RB1: variants seen among roughly 807,000 people sequenced by gnomAD.
The protein encoded by RB1 is RB transcriptional corepressor 1.
A neutral mutation model predicts 135.4 loss-of-function variants in RB1; 18 were observed. That is an observed-to-expected ratio of 0.13 (90% CI 0.09 to 0.20). The LOEUF (loss-of-function observed/expected upper bound fraction) is 0.20, where lower values mean the gene tolerates loss of function less well. Ranked by LOEUF, RB1 falls within the 10% of genes least tolerant of loss-of-function variation. The probability of loss-of-function intolerance (pLI) is 1.00; values close to 1 mark genes in which losing one functional copy is unlikely to be tolerated. For missense variants in RB1, 868 were observed against 1,110.0 expected, an observed-to-expected ratio of 0.78 and a Z score of 3.10; for synonymous variants, 365 against 373.2, an observed-to-expected ratio of 0.98 and a Z score of 0.25.
chr13:48,318,741 G>C, intron 2 of RB1: 1 of 658,860 alleles, frequency 1.5e-6, no homozygotes, highest in Non-Finnish European at 2.7e-6. Flanking sequence ...CGGTGTTTTA[G>C]AGAGGGGGGC....
At chr13:48,478,540 TAAAA>T (rs746748793) in intron 26 of RB1, among the ~76,000 whole-genome samples, 36 of 152,336 alleles carry the variant, frequency 2.4e-4, no homozygotes, top group Non-Finnish European at 4.3e-4. Flanking sequence ...CTGAAAGCTG[TAAAA>T]ACATGTATAT....
chr13:48,333,358 G>A (rs1201766090), intron 2 of RB1: 1 of 302,158 alleles, frequency 3.3e-6, no homozygotes, highest in Non-Finnish European at 6.0e-6. Context: ...GTTTCCAAGA[G>A]TAGTAGATAT....
In RB1 at chr13:48,420,098, C is replaced by T. The variant is rs181863450; in HGVS notation, c.1696-32895C>T. Among the ~76,000 whole-genome samples, 33 of 152,102 alleles carry T rather than the reference C, an allele frequency of 2.2e-4. 1 individual carries two copies. The East Asian group carries it at 5.2e-3, about 24-fold the overall frequency. ...GAGACACAACAAAAAAAGAAAATTT[C>T]GGCCAATATCCTTGATGAATATCGA... On this transcript the variant is annotated intron_variant, in intron 17 of 26. Coordinates refer to ENST00000267163, the MANE Select transcript of RB1 (RefSeq NM_000321.3).
intron 11 of RB1, among the ~76,000 whole-genome samples, chr13:48,370,061 A>T (rs1016207554): frequency 6.6e-6 from 1 of 152,222 alleles, no homozygotes; most frequent in East Asian, 1.9e-4. Context: ...TAAGTATAGT[A>T]TATACTTTGG....
At chr13:48,345,650 G>A (rs1019152005) in intron 4 of RB1, among the ~76,000 whole-genome samples, 4 of 152,096 alleles carry the variant, frequency 2.6e-5, no homozygotes, top group East Asian at 1.9e-4. Flanking sequence ...ATTACAGTTC[G>A]AGTAGGAGCA....
intron 2 of RB1, among the ~76,000 whole-genome samples, chr13:48,339,476 C>T (rs1294689867): frequency 3.3e-5 from 5 of 152,230 alleles, no homozygotes; most frequent in Non-Finnish European, 5.9e-5. Flanking sequence ...CCGAGCCAGG[C>T]ACAGGATATA....
intron 18 of RB1, among the ~76,000 whole-genome samples, chr13:48,454,932 G>A (rs1349466960): frequency 6.6e-6 from 1 of 151,640 alleles, no homozygotes; most frequent in African/African-American, 2.4e-5. Context: ...CTAAGCTGGG[G>A]TAGATCTTGT....
At position 48,319,916 on chromosome 13, in the gene RB1, G is replaced by C. The variant is rs1952219729; in HGVS notation, c.264+12510G>C. 2.9e-6 allele frequency: 1 copy of C among 342,384 alleles called. No individual in the cohort carries two copies. Among genetic ancestry groups the C allele is most frequent in the Non-Finnish European group, 5.6e-6 (1 of 177,872 alleles). 21.2% of individuals were successfully genotyped at this position (342,384 alleles called of 1,614,324 possible). A position where few individuals can be genotyped will look rare whatever the true frequency, so the allele number is the denominator to read the frequency against. On this transcript the variant is annotated intron_variant, in intron 2 of 26. Coordinates refer to ENST00000267163, the MANE Select transcript of RB1 (RefSeq NM_000321.3). This position sits in a 1 kb window ranked among gnomAD's most constrained non-coding sequence, Gnocchi z 5.0. ...CTGCCAGGGCCACCACCTGAGCCAG[G>C]TACAAGTTTTGGGGGGACACACGGA...
intron 4 of RB1, among the ~76,000 whole-genome samples, chr13:48,347,020 T>G (rs1952504730): frequency 1.3e-5 from 2 of 152,050 alleles, no homozygotes; most frequent in Non-Finnish European, 2.9e-5. Flanking sequence ...GGTACAGTTC[T>G]GATTTTTTTT....
At chr13:48,338,483 C>G (rs1952406649) in intron 2 of RB1, among the ~76,000 whole-genome samples, 1 of 152,236 alleles carries the variant, frequency 6.6e-6, no homozygotes, top group South Asian at 2.1e-4. Flanking sequence ...GCTGCTGAAG[C>G]TTGTGCATTC....
intron 4 of RB1, 106 bp downstream of exon 4, chr13:48,345,305 AT>A: frequency 7.8e-7 from 1 of 1,285,722 alleles, no homozygotes; most frequent in Non-Finnish European, 1.1e-6. Flanking sequence ...GTAAGTATTA[AT>A]TCTTAGACTT....
At chr13:48,368,069 G>A (rs914004461) in intron 10 of RB1, among the ~76,000 whole-genome samples, 2 of 152,142 alleles carry the variant, frequency 1.3e-5, no homozygotes, top group African/African-American at 4.8e-5. Flanking sequence ...TTAATTTTGT[G>A]TCTTTAGCAT....
At chr13:48,324,666 C>T (rs557984854) in intron 2 of RB1, among the ~76,000 whole-genome samples, 81 of 152,060 alleles carry the variant, frequency 5.3e-4, no homozygotes, top group African/African-American at 1.9e-3. Flanking sequence ...ATGCAGCATT[C>T]AACATGGGAA....
intron 17 of RB1, chr13:48,389,458 T>A (rs1555287397): frequency 6.6e-6 from 1 of 152,164 alleles, no homozygotes; most frequent in Non-Finnish European, 1.5e-5. Context: ...TACAGCTTGA[T>A]GTATGTGAAG....
At chr13:48,318,637 C>T (rs893109795) in intron 2 of RB1, 2 of 606,688 alleles carry the variant, frequency 3.3e-6, no homozygotes, top group Non-Finnish European at 3.0e-6. Flanking sequence ...TCCTGGCCAC[C>T]ATCTTTCACC....
chr13:48,422,366 G>A (rs767598603), intron 17 of RB1, among the ~76,000 whole-genome samples: 16 of 152,086 alleles, frequency 1.1e-4, no homozygotes, highest in Non-Finnish European at 2.2e-4. Context: ...GGGGCCTGTC[G>A]GGGTTGGGGG....
At chr13:48,429,730 G>A (rs1365828430) in intron 17 of RB1, among the ~76,000 whole-genome samples, 1 of 152,058 alleles carries the variant, frequency 6.6e-6, no homozygotes, top group Non-Finnish European at 1.5e-5. Flanking sequence ...TAAATTAACT[G>A]GTGCCAATCT....
chr13:48,411,377 A>C (rs1948796477), intron 17 of RB1: 1 of 1,602,012 alleles, frequency 6.2e-7, no homozygotes. Flanking sequence ...AGTGAGTCCT[A>C]ATGGTTTTAT....
intron 4 of RB1, among the ~76,000 whole-genome samples, chr13:48,346,346 C>G (rs2138089512): frequency 1.4e-5 from 2 of 147,706 alleles, no homozygotes; most frequent in Middle Eastern, 3.5e-3. Flanking sequence ...GGTATTGTTT[C>G]ACATTGAGTA....
Sources: gnomAD v4.1 joint callset for allele counts (sites outside exome capture counted in the v4.1 genomes callset) on GRCh38, gnomAD v4.1.1 for gene constraint, Gnocchi (gnomAD v3.1) non-coding constraint, MANE v1.5 for transcripts, NCBI Gene and HGNC (gene_info 2026-07-23, HGNC 2026-07-21) for gene names.